Variants in PLGRKT observed in about 807,000 individuals in gnomAD.
PLGRKT encodes plasminogen receptor (KT).
A neutral mutation model predicts 18.5 loss-of-function variants in PLGRKT; 22 were observed. The ratio of observed to expected loss-of-function variants is 1.19; its 90% CI spans 0.85 to 1.70. PLGRKT has a LOEUF of 1.70. Ranked by LOEUF, PLGRKT falls within the 40% of genes most tolerant of loss-of-function variation. The pLI, the probability that PLGRKT is intolerant of heterozygous loss-of-function variation, is 0.00. For missense variants in PLGRKT, 235 were observed against 174.4 expected (o/e 1.35, Z -1.96); for synonymous variants, 72 against 52.8 (o/e 1.36, Z -1.58).
intron 5 of PLGRKT, 48 bp from the exon 6 acceptor site, chr9:5,358,408 A>C: frequency 6.3e-7 from 1 of 1,583,246 alleles, no homozygotes; most frequent in East Asian, 2.2e-5. Flanking sequence ...GGTCATCAGC[A>C]ATTTGTGACA....
intron 3 of PLGRKT, among the ~76,000 whole-genome samples, chr9:5,413,050 T>C (rs1818394876): frequency 6.6e-6 from 1 of 152,220 alleles, no homozygotes; most frequent in Admixed American, 6.5e-5. Flanking sequence ...CACTTCTTGC[T>C]TGTCAGGCTA....
At chr9:5,360,606 C>A (rs1326396034) in intron 5 of PLGRKT, among the ~76,000 whole-genome samples, 3 of 152,116 alleles carry the variant, frequency 2.0e-5, no homozygotes, top group Non-Finnish European at 2.9e-5. Flanking sequence ...CAACTTCAGG[C>A]TACCAATGGG....
rs187301862 is a variant in PLGRKT at position 5,370,021 on chromosome 9, T to C, written c.82-8133A>G. Among the ~76,000 whole-genome samples the C allele has an allele frequency of 2.0e-4, 30 of 152,134 alleles. No homozygotes were observed. In the East Asian group the frequency reaches 3.5e-3, roughly 18 times the overall value. On this transcript the variant is annotated intron_variant, in intron 3 of 5. Coordinates refer to ENST00000223864, the MANE Select transcript of PLGRKT (RefSeq NM_018465.4). The stretch of plus-strand genomic sequence containing the variant: ...TGTTGATGGGTGCAGCAAACCACCA[T>C]GGCACTATGTAACAAACCTGCACAT...
intron 3 of PLGRKT, among the ~76,000 whole-genome samples, chr9:5,391,495 C>T (rs1490515417): frequency 6.6e-6 from 1 of 151,924 alleles, no homozygotes; most frequent in African/African-American, 2.4e-5. Context: ...CTTCTGGGTA[C>T]AAAGATGACA....
At chr9:5,419,528 G>A (rs891857896) in intron 3 of PLGRKT, among the ~76,000 whole-genome samples, 3 of 152,044 alleles carry the variant, frequency 2.0e-5, no homozygotes, top group Non-Finnish European at 4.4e-5. Flanking sequence ...CGGCCGCCGC[G>A]AGCCACAAAA....
intron 3 of PLGRKT, among the ~76,000 whole-genome samples, chr9:5,397,553 G>A (rs1818075438): frequency 6.6e-6 from 1 of 151,622 alleles, no homozygotes; most frequent in East Asian, 1.9e-4. Context: ...AGGAAGGAGG[G>A]AGGGAAGGAA....
intron 3 of PLGRKT, among the ~76,000 whole-genome samples, chr9:5,422,339 A>T (rs563028130): frequency 1.4e-3 from 215 of 152,310 alleles, no homozygotes; most frequent in Non-Finnish European, 2.5e-3. Context: ...GATTCTTGCT[A>T]AAAGAACTGA....
At chr9:5,379,782 A>G (rs150374530) in intron 3 of PLGRKT, among the ~76,000 whole-genome samples, 1 of 152,204 alleles carries the variant, frequency 6.6e-6, no homozygotes, top group Non-Finnish European at 1.5e-5. Flanking sequence ...TGTTGGTGAG[A>G]GTGCACTCAT....
rs116115864 is a variant in PLGRKT at position 5,409,360 on chromosome 9, C to G, written c.81+22537G>C. Among the ~76,000 whole-genome samples the G allele has an allele frequency of 5.3e-3, 807 of 152,326 alleles. 6 individuals carry two copies. The highest frequency in any genetic ancestry group is 0.018 in the African/African-American group (763 of 41,568). ...GGCAGAAAGACGTGAAAAGGTTAGACTGGCGTAGCCTCCTGGCCTACATCT... is the reference window on the plus strand; with the variant it reads ...GGCAGAAAGACGTGAAAAGGTTAGAGTGGCGTAGCCTCCTGGCCTACATCT... On this transcript the variant is annotated intron_variant, in intron 3 of 5. Coordinates refer to ENST00000223864, the MANE Select transcript of PLGRKT (RefSeq NM_018465.4).
At chr9:5,409,752 T>G (rs1262761128) in intron 3 of PLGRKT, among the ~76,000 whole-genome samples, 1 of 152,204 alleles carries the variant, frequency 6.6e-6, no homozygotes, top group Non-Finnish European at 1.5e-5. Context: ...TTTGGAGCTT[T>G]AAGGTTTAAT....
chr9:5,364,604 G>A (rs1410191621), intron 3 of PLGRKT, among the ~76,000 whole-genome samples: 1 of 152,178 alleles, frequency 6.6e-6, no homozygotes, highest in Admixed American at 6.5e-5. Context: ...TCAATGAAGG[G>A]TTGGGGGAAA....
At chr9:5,363,414 G>A (rs554319215) in intron 3 of PLGRKT, among the ~76,000 whole-genome samples, 15 of 151,686 alleles carry the variant, frequency 9.9e-5, no homozygotes, top group Non-Finnish European at 2.2e-4. Context: ...GGGGTCCCCT[G>A]GCCCAAGGTT....
At chr9:5,405,124 A>G (rs1818230800) in intron 3 of PLGRKT, among the ~76,000 whole-genome samples, 1 of 152,236 alleles carries the variant, frequency 6.6e-6, no homozygotes, top group African/African-American at 2.4e-5. Context: ...CAAGGAAATC[A>G]GAGAGGACAC....
At chr9:5,400,769 T>C (rs1169217120) in intron 3 of PLGRKT, among the ~76,000 whole-genome samples, 1 of 152,034 alleles carries the variant, frequency 6.6e-6, no homozygotes, top group African/African-American at 2.4e-5. Flanking sequence ...ACCAGTATTA[T>C]TCTCTTTGGG....
intron 3 of PLGRKT, among the ~76,000 whole-genome samples, chr9:5,404,541 A>G (rs1487822641): frequency 1.3e-5 from 2 of 152,202 alleles, no homozygotes; most frequent in Non-Finnish European, 2.9e-5. Flanking sequence ...TAATTATCTC[A>G]ATAGATGCAA....
chr9:5,409,257 G>C (rs1794861417), intron 3 of PLGRKT, among the ~76,000 whole-genome samples: 1 of 151,728 alleles, frequency 6.6e-6, no homozygotes, highest in Admixed American at 6.6e-5. Flanking sequence ...TAACATTTAA[G>C]TCAGTGGGTT....
At chr9:5,381,897 A>T in intron 3 of PLGRKT, 1 of 985,090 alleles carries the variant, frequency 1.0e-6, no homozygotes, top group South Asian at 4.7e-5. Context: ...ACCAAATCAC[A>T]GAGGGACCAC....
chr9:5,385,231 A>T (rs1439871702), intron 3 of PLGRKT, among the ~76,000 whole-genome samples: 2 of 152,176 alleles, frequency 1.3e-5, no homozygotes, highest in African/African-American at 4.8e-5. Flanking sequence ...ACAGTAAATA[A>T]GTATTATAAG....
At chr9:5,410,374 T>TA (rs1236306508) in intron 3 of PLGRKT, among the ~76,000 whole-genome samples, 5 of 150,162 alleles carry the variant, frequency 3.3e-5, no homozygotes, top group African/African-American at 4.9e-5. Context: ...CCATCTATAC[T>TA]AAAAAAAAGT....
Sources: gnomAD v4.1 joint callset for allele counts (sites outside exome capture counted in the v4.1 genomes callset) on GRCh38, gnomAD v4.1.1 for gene constraint, MANE v1.5 for transcripts, NCBI Gene and HGNC (gene_info 2026-07-23, HGNC 2026-07-21) for gene names.